Variants in FGF14 observed in about 807,000 individuals in gnomAD.
The protein encoded by FGF14 is fibroblast growth factor 14.
Under a neutral mutation model 25.5 loss-of-function variants are expected in FGF14, and 5 were observed. The ratio of observed to expected loss-of-function variants is 0.20; its 90% confidence interval spans 0.10 to 0.41. FGF14 has a LOEUF of 0.41. Among genes scored for constraint, FGF14 ranks in the 10% least tolerant of loss-of-function variants. The pLI is 1.00. For synonymous variants in FGF14, 138 were observed against 118.3 expected (o/e 1.17, Z -1.08); for missense variants, 222 against 320.1 (o/e 0.69, Z 2.34).
chr13:102,377,088 T>C (rs1396330485), intron 1 of FGF14, among the ~76,000 whole-genome samples: 4 of 143,648 alleles, frequency 2.8e-5, no homozygotes, highest in Non-Finnish European at 6.1e-5. Flanking sequence ...CTAGGTCACC[T>C]TTTTTTTTTT....
At chr13:102,206,499 G>A (rs1035324058) in intron 1 of FGF14, among the ~76,000 whole-genome samples, 2 of 152,050 alleles carry the variant, frequency 1.3e-5, no homozygotes, top group African/African-American at 2.4e-5. Context: ...TAGCCAACAT[G>A]ATGAAAACCT....
chr13:102,272,408 T>C (rs1402010533), intron 1 of FGF14, among the ~76,000 whole-genome samples: 5 of 152,178 alleles, frequency 3.3e-5, no homozygotes, highest in Non-Finnish European at 4.4e-5. Flanking sequence ...TATCTCACCA[T>C]TGAATGTAAG....
chr13:101,751,064 A>C (rs2037238779), intron 3 of FGF14, among the ~76,000 whole-genome samples: 1 of 152,104 alleles, frequency 6.6e-6, no homozygotes, highest in Admixed American at 6.6e-5. Flanking sequence ...ATGATGAGTA[A>C]GTGAACACAC....
chr13:102,009,879 C>A (rs189272159), intron 1 of FGF14, among the ~76,000 whole-genome samples: 2 of 152,114 alleles, frequency 1.3e-5, no homozygotes, highest in African/African-American at 2.4e-5. Flanking sequence ...ATTAGTGAAG[C>A]CTTCCAAAGC....
intron 3 of FGF14, among the ~76,000 whole-genome samples, chr13:101,846,068 A>G (rs1728938102): frequency 6.6e-6 from 1 of 152,024 alleles, no homozygotes; most frequent in African/African-American, 2.4e-5. Context: ...AATGTATACA[A>G]TTTATTAATA....
Position 102,400,750 on chromosome 13 carries a change from C to A in FGF14, c.208+721G>T, listed in dbSNP as rs2058684455. Reference sequence around the variant, plus strand: ...CACCCCTGGCCCTGTGGGACCCCGACGCAGGGCTTTGACACCGCTTTCTAA... The same window carrying A: ...CACCCCTGGCCCTGTGGGACCCCGAAGCAGGGCTTTGACACCGCTTTCTAA... On this transcript the variant is annotated intron_variant, in intron 1 of 4. Coordinates refer to the FGF14 transcript ENST00000376131. The surrounding 1 kb of genome is among the most constrained non-coding windows in gnomAD (Gnocchi z 4.3). Among the ~76,000 whole-genome samples, 1 of 152,164 alleles carries A rather than the reference C, an allele frequency of 6.6e-6. No homozygotes were observed. The highest frequency in any genetic ancestry group is 6.5e-5 in the Admixed American group (1 of 15,290).
intron 1 of FGF14, among the ~76,000 whole-genome samples, chr13:102,047,114 A>G (rs962194716): frequency 6.6e-6 from 1 of 152,182 alleles, no homozygotes; most frequent in Admixed American, 6.5e-5. Context: ...AATAAATAGT[A>G]TATTTTTTCT....
intron 1 of FGF14, among the ~76,000 whole-genome samples, chr13:102,378,909 A>T (rs909700819): frequency 6.6e-6 from 1 of 152,164 alleles, no homozygotes; most frequent in African/African-American, 2.4e-5. Flanking sequence ...ACAGGGTTAC[A>T]TAAAACTGGC....
intron 1 of FGF14, among the ~76,000 whole-genome samples, chr13:101,945,286 C>A (rs538895600): frequency 9.2e-5 from 14 of 152,128 alleles, no homozygotes; most frequent in African/African-American, 3.4e-4. Flanking sequence ...CCATTGCACT[C>A]CAGCCTGGGC....
chr13:102,200,619 G>T (rs2049572922), intron 1 of FGF14, among the ~76,000 whole-genome samples: 1 of 145,032 alleles, frequency 6.9e-6, no homozygotes, highest in African/African-American at 2.5e-5. Context: ...CCATTTGATT[G>T]TTTTTTTTTT....
Position 102,124,325 on chromosome 13 carries a change from T to C in FGF14, c.209-249029A>G, listed in dbSNP as rs188792483. Among the ~76,000 whole-genome samples, 12 of 152,150 alleles carry C rather than the reference T, an allele frequency of 7.9e-5. No individual in the cohort carries two copies. In the East Asian group the frequency reaches 2.3e-3, roughly 29 times the overall value. Reference sequence around the variant, plus strand: ...AAGCATAATTTATGGAATAGAAAGCTATATGGAGTTTTAAAAATAAGCAGT... The same window carrying C: ...AAGCATAATTTATGGAATAGAAAGCCATATGGAGTTTTAAAAATAAGCAGT... On this transcript the variant is annotated intron_variant, in intron 1 of 4. Coordinates refer to the FGF14 transcript ENST00000376131.
intron 1 of FGF14, among the ~76,000 whole-genome samples, chr13:102,262,340 C>T (rs769235511): frequency 6.6e-6 from 1 of 151,964 alleles, no homozygotes; most frequent in Non-Finnish European, 1.5e-5. Flanking sequence ...TATTTCCTAC[C>T]TACTATTGCT....
chr13:102,083,414 A>C (rs1481463396), intron 1 of FGF14, among the ~76,000 whole-genome samples: 2 of 147,982 alleles, frequency 1.4e-5, no homozygotes, highest in Non-Finnish European at 2.9e-5. Flanking sequence ...GTATCTCATT[A>C]AGTGTTGGGT....
chr13:101,808,555 A>G (rs1312950577), intron 3 of FGF14, among the ~76,000 whole-genome samples: 1 of 152,142 alleles, frequency 6.6e-6, no homozygotes. Flanking sequence ...AAGGAATGAC[A>G]AAACAGCTTT....
chr13:102,333,313 T>C (rs777569430), intron 1 of FGF14, among the ~76,000 whole-genome samples: 6 of 152,320 alleles, frequency 3.9e-5, no homozygotes, highest in African/African-American at 1.2e-4. Context: ...AATCAGTGTG[T>C]GTCTGTGAGA....
chr13:102,180,747 G>A (rs141695859), intron 1 of FGF14, among the ~76,000 whole-genome samples: 200 of 152,228 alleles, frequency 1.3e-3, no homozygotes, highest in Admixed American at 2.6e-3. Flanking sequence ...AAACTCTGTG[G>A]CTAGGCTGTA....
chr13:101,873,356 A>ATTTTCACTCAATTATT (rs2045217442), intron 2 of FGF14, among the ~76,000 whole-genome samples: 1 of 152,142 alleles, frequency 6.6e-6, no homozygotes, highest in Non-Finnish European at 1.5e-5. Flanking sequence ...TTTTTCACGT[A>ATTTTCACTCAATTATT]GTCCAATAAA....
At chr13:101,773,344 T>C (rs370483201) in intron 3 of FGF14, among the ~76,000 whole-genome samples, 1 of 152,116 alleles carries the variant, frequency 6.6e-6, no homozygotes, top group East Asian at 1.9e-4. Flanking sequence ...ACTTAGCTAA[T>C]AGGAAATCTA....
Position 102,010,305 on chromosome 13 carries a change from C to G in FGF14, c.209-135009G>C, listed in dbSNP as rs977836930. On this transcript the variant is annotated intron_variant, in intron 1 of 4. Transcript: ENST00000376131. ...ACAGTTAAAATGGCAGCATATGTCA[C>G]CAGTGCATAAAGGCTGGGGCTGTTT... Among the ~76,000 whole-genome samples, 75 of 152,024 alleles carry G rather than the reference C, an allele frequency of 4.9e-4. 1 individual carries two copies. Among genetic ancestry groups the G allele is most frequent in the African/African-American group, 1.7e-3 (70 of 41,412 alleles).
Sources: gnomAD v4.1 joint callset for allele counts (sites outside exome capture counted in the v4.1 genomes callset) on GRCh38, gnomAD v4.1.1 for gene constraint, Gnocchi (gnomAD v3.1) non-coding constraint, MANE v1.5 for transcripts, NCBI Gene and HGNC (gene_info 2026-07-23, HGNC 2026-07-21) for gene names.